The following VPS50 variants were observed in gnomAD, a reference collection of about 807,000 sequenced individuals.
VPS50 encodes the protein syndetin.
A neutral mutation model predicts 139.7 loss-of-function variants in VPS50; 70 were observed. The observed-to-expected ratio is 0.50, with a 90% CI of 0.41 to 0.61. The LOEUF is 0.61. VPS50 is among the 20% of genes least tolerant of loss of function. VPS50 has a pLI of 0.00. For synonymous variants in VPS50, 365 were observed against 376.7 expected (o/e 0.97, Z 0.36); for missense variants, 921 against 1,133.7 (o/e 0.81, Z 2.69).
At chr7:93,348,638 A>T in intron 23 of VPS50, 73 bp from the exon 24 acceptor site, 1 of 1,002,024 alleles carries the variant, frequency 1.0e-6, no homozygotes, top group Middle Eastern at 2.3e-4. Flanking sequence ...GTTAAAAAAT[A>T]CTTATACGAA....
intron 23 of VPS50, 140 bp from the exon 24 acceptor site, chr7:93,348,566 TAGTAC>T: frequency 1.7e-6 from 1 of 585,316 alleles, no homozygotes; most frequent in South Asian, 2.1e-5. Context: ...TGTCAAGTGG[TAGTAC>T]AGGTTCGTCC....
Position 93,294,529 on chromosome 7 carries a change from T to C in VPS50, c.1076-16T>C. 2.0e-6 allele frequency: 3 copies of C among 1,498,958 alleles called. No individual in the cohort carries two copies. Among genetic ancestry groups the C allele is most frequent in the Non-Finnish European group, 2.7e-6 (3 of 1,120,786 alleles). 92.9% of individuals were successfully genotyped at this position (1,498,958 alleles called of 1,614,324 possible). A position where few individuals can be genotyped will look rare whatever the true frequency, so the allele number is the denominator to read the frequency against. ...TTGGATTAAATCTAAAAATATATATTGTCTTTTATTTTCAGAAGGGAGTAA... is the reference window on the plus strand; with the variant it reads ...TTGGATTAAATCTAAAAATATATATCGTCTTTTATTTTCAGAAGGGAGTAA... On this transcript the variant is annotated splice_polypyrimidine_tract_variant and intron_variant, in intron 13 of 27. Coordinates refer to ENST00000305866, the MANE Select transcript of VPS50 (RefSeq NM_017667.4).
chr7:93,255,987 A>G (rs1795472940), intron 4 of VPS50, among the ~76,000 whole-genome samples: 1 of 152,252 alleles, frequency 6.6e-6, no homozygotes, highest in Non-Finnish European at 1.5e-5. Context: ...ATAGAACAAT[A>G]CACACAACCT....
chr7:93,269,995 A>G (rs531336190), intron 9 of VPS50, among the ~76,000 whole-genome samples: 2 of 151,940 alleles, frequency 1.3e-5, no homozygotes, highest in African/African-American at 4.8e-5. Flanking sequence ...TGTTTGTACT[A>G]TTTTAAGAAC....
chr7:93,252,725 C>G lies in VPS50; in HGVS notation c.175C>G (p.Gln59Glu). The G allele has an allele frequency of 2.5e-6, 4 of 1,584,924 alleles. No homozygotes were observed. The highest frequency in any genetic ancestry group is 3.5e-6 in the Non-Finnish European group (4 of 1,157,822). Residue 59 changes from glutamine to glutamate, a missense_variant, in exon 3 of 28, where the codon CAA (glutamine) becomes GAA (glutamate). Gln to Glu is a conservative substitution (Grantham distance 29). This residue lies in a region of VPS50 where 744 missense variants were observed against 930.6 expected (regional missense o/e 0.80). Transcript: ENST00000305866. ...ACAAGAGCTTATTAATAGTATTGAA[C>G]AAGTATATTTTTCTGTGGATTCATT... ...AEQELINSIE[Q>E]VYFSVDSFDI...
intron 9 of VPS50, among the ~76,000 whole-genome samples, chr7:93,270,234 T>C (rs186252004): frequency 6.6e-6 from 1 of 151,974 alleles, no homozygotes; most frequent in African/African-American, 2.4e-5. Flanking sequence ...AACATAGTTA[T>C]GTAATTACCA....
intron 16 of VPS50, among the ~76,000 whole-genome samples, chr7:93,300,348 T>G (rs1487658089): frequency 6.6e-6 from 1 of 152,116 alleles, no homozygotes; most frequent in East Asian, 1.9e-4. Context: ...ACTTATTTTA[T>G]GAGGCCAGCA....
chr7:93,256,789 C>T (rs934459443), intron 5 of VPS50, among the ~76,000 whole-genome samples: 2 of 151,964 alleles, frequency 1.3e-5, no homozygotes, highest in African/African-American at 4.8e-5. Flanking sequence ...CTAAAGTGAT[C>T]TCTTGGGTTT....
In VPS50 at chr7:93,291,804, G is replaced by A. The variant is rs2116937563; in HGVS notation, c.1044G>A (p.Lys348=). The A allele has an allele frequency of 6.2e-7, 1 of 1,602,066 alleles. No homozygotes were observed. Among genetic ancestry groups the A allele is most frequent in the South Asian group, 1.1e-5 (1 of 89,158 alleles). Residue 348 remains lysine (K), a synonymous_variant, in exon 13 of 28, where the codon AAG becomes AAA. Transcript: ENST00000305866. The stretch of plus-strand genomic sequence containing the variant: ...ATAGGACTATGGAATGGCATGAAAA[G>A]CATGACAATGAGGATACTGCTTCAG... ...SYYRTMEWHE[K]HDNEDTASAS...
intron 20 of VPS50, among the ~76,000 whole-genome samples, chr7:93,319,556 A>G (rs1203157826): frequency 1.3e-5 from 2 of 152,188 alleles, no homozygotes; most frequent in Non-Finnish European, 2.9e-5. Context: ...TGGAACTTCT[A>G]GCATTCTATT....
intron 13 of VPS50, 30 bp from the exon 14 acceptor site, chr7:93,294,515 C>G: frequency 6.8e-7 from 1 of 1,481,182 alleles, no homozygotes; most frequent in South Asian, 1.4e-5. Context: ...TGGATTAAAT[C>G]TAAAAATATA....
At chr7:93,246,713 T>C (rs1795166951) in intron 2 of VPS50, among the ~76,000 whole-genome samples, 1 of 151,904 alleles carries the variant, frequency 6.6e-6, no homozygotes, top group African/African-American at 2.4e-5. Context: ...TGTGGTATTT[T>C]AGATAATTTA....
At chr7:93,339,233 C>T (rs1286478356) in intron 22 of VPS50, among the ~76,000 whole-genome samples, 2 of 150,518 alleles carry the variant, frequency 1.3e-5, no homozygotes, top group Admixed American at 6.6e-5. Context: ...CCTGCTTCTC[C>T]CTAGAGGAAG....
chr7:93,271,857 A>T (rs1391730558), intron 10 of VPS50, among the ~76,000 whole-genome samples: 2 of 151,756 alleles, frequency 1.3e-5, no homozygotes. Context: ...CTAGTCTTTT[A>T]TTGTTTTCCT....
At chr7:93,253,744 A>G (rs555784608) in intron 3 of VPS50, 116 bp from the exon 4 acceptor site, 6 of 577,426 alleles carry the variant, frequency 1.0e-5, no homozygotes, top group Admixed American at 8.8e-5. Context: ...GGGCAGTGGG[A>G]TGTGACACTG....
Position 93,355,994 on chromosome 7 carries a change from A to G in VPS50, c.2689A>G (p.Ile897Val), listed in dbSNP as rs1332227250. 1 of 1,584,368 alleles carries G rather than the reference A, an allele frequency of 6.3e-7. No individual in the cohort carries two copies. Among genetic ancestry groups the G allele is most frequent in the Non-Finnish European group, 8.6e-7 (1 of 1,157,078 alleles). ...KLEKLTDIRP[I>V]PDKEFVETYI... ...TGAAAAACTAACAGATATTAGACCC[A>G]TTCCTGATAAAGAATTTGTAGAAAC... Residue 897 changes from isoleucine to valine, a missense_variant, in exon 27 of 28, where the codon ATT becomes GTT. Transcript: ENST00000305866.
chr7:93,356,709 G>A (rs1416047736), intron 27 of VPS50, among the ~76,000 whole-genome samples: 1 of 152,108 alleles, frequency 6.6e-6, no homozygotes, highest in Non-Finnish European at 1.5e-5. Context: ...CAGTGAGCTT[G>A]GTATGGGAAG....
rs1300662838 is a variant in VPS50 at position 93,349,877 on chromosome 7, A to G, written c.2307A>G (p.Thr769=). 7 of 1,602,704 alleles carry G rather than the reference A, an allele frequency of 4.4e-6. No individual in the cohort carries two copies. The African/African-American group carries it at 9.4e-5, about 22-fold the overall frequency. The change falls in exon 25 of 28, where the codon ACA becomes ACG. Residue 769 remains threonine (T), a splice_region_variant and synonymous_variant. Coordinates refer to ENST00000305866, the MANE Select transcript of VPS50 (RefSeq NM_017667.4). ...KPFLQQFYSQ[T]VSTASELRKP... ...CATTTTTGTGAAATTTATTTCAGACAGTCTCAACCGCCAGTGAACTACGGA... is the reference window on the plus strand; with the variant it reads ...CATTTTTGTGAAATTTATTTCAGACGGTCTCAACCGCCAGTGAACTACGGA...
intron 20 of VPS50, among the ~76,000 whole-genome samples, chr7:93,314,874 G>A (rs1427696796): frequency 6.6e-6 from 1 of 151,992 alleles, no homozygotes; most frequent in Non-Finnish European, 1.5e-5. Context: ...ATGACAGACT[G>A]CTGAAGTTTC....
Sources: allele counts gnomAD v4.1 joint callset (sites outside exome capture counted in the v4.1 genomes callset), GRCh38; gene constraint gnomAD v4.1.1; regional missense constraint gnomAD v4.1.1; transcripts MANE v1.5; gene names NCBI Gene and HGNC (gene_info 2026-07-23, HGNC 2026-07-21).